The following SUMF1 variants were observed in gnomAD, a reference collection of about 807,000 sequenced individuals.
The protein encoded by SUMF1 is sulfatase modifying factor 1.
A neutral mutation model predicts 47.6 loss-of-function variants in SUMF1; 48 were observed. The ratio of observed to expected loss-of-function variants is 1.01; its 90% CI spans 0.80 to 1.28. The LOEUF (loss-of-function observed/expected upper bound fraction) is 1.28. Among genes scored for constraint, SUMF1 ranks in the 50% most tolerant of loss-of-function variants. SUMF1 has a pLI of 0.00. For missense variants in SUMF1, 571 were observed against 485.4 expected (o/e 1.18, Z -1.66); for synonymous variants, 230 against 192.1 (o/e 1.20, Z -1.63).
chr3:4,103,302 A>G (rs1168562542), intron 8 of SUMF1, among the ~76,000 whole-genome samples: 2 of 152,070 alleles, frequency 1.3e-5, no homozygotes, highest in Non-Finnish European at 2.9e-5. Context: ...AGTTGGGTAG[A>G]TAGAAATATA....
chr3:4,467,151 G>A lies in SUMF1; in HGVS notation c.95C>T (p.Ala32Val), dbSNP rs374677940. 4.1e-4 allele frequency: 646 copies of A among 1,587,508 alleles called. 7 individuals carry two copies. The South Asian group carries it at 6.8e-3, about 17-fold the overall frequency. Reference protein sequence around the residue: ...LLLLSLLCGAAGSQEAGTGAG... With the variant: ...LLLLSLLCGAVGSQEAGTGAG... ...ACCGGTCCCGGCCTCCTGGCTCCCT[G>A]CCGCTCCACACAGCAGCGAGAGCAG... is the stretch of plus-strand genomic sequence containing the variant. Residue 32 changes from alanine to valine, a missense_variant, in exon 1 of 9, where the codon GCA (alanine) becomes GTA (valine). Coordinates refer to ENST00000272902, the MANE Select transcript of SUMF1 (RefSeq NM_182760.4).
chr3:4,206,750 G>A (rs146855215), intron 8 of SUMF1, among the ~76,000 whole-genome samples: 2 of 151,958 alleles, frequency 1.3e-5, no homozygotes, highest in African/African-American at 4.8e-5. Flanking sequence ...AACAACTATT[G>A]TGGGGGAATA....
At chr3:4,369,641 T>A (rs1163697403) in intron 8 of SUMF1, among the ~76,000 whole-genome samples, 1 of 152,316 alleles carries the variant, frequency 6.6e-6, no homozygotes, top group East Asian at 1.9e-4. Flanking sequence ...ATTTCCATGA[T>A]CATGGCAGTG....
intron 8 of SUMF1, among the ~76,000 whole-genome samples, chr3:4,263,566 C>T (rs1380577109): frequency 2.6e-5 from 4 of 152,160 alleles, no homozygotes; most frequent in African/African-American, 9.7e-5. Context: ...TGGTCCATTT[C>T]TATTCCAGCA....
intron 2 of SUMF1, among the ~76,000 whole-genome samples, chr3:4,449,999 G>T (rs1348242370): frequency 6.6e-6 from 1 of 152,092 alleles, no homozygotes; most frequent in Non-Finnish European, 1.5e-5. Context: ...GTGGGCTCTT[G>T]TTTCAGCCAC....
At chr3:4,074,961 A>T (rs1692386135) in intron 8 of SUMF1, among the ~76,000 whole-genome samples, 1 of 152,152 alleles carries the variant, frequency 6.6e-6, no homozygotes, top group African/African-American at 2.4e-5. Flanking sequence ...TCCAATGAAT[A>T]GAAAAAGAGG....
At chr3:4,137,524 C>T (rs953745347) in intron 8 of SUMF1, among the ~76,000 whole-genome samples, 8 of 151,946 alleles carry the variant, frequency 5.3e-5, no homozygotes, top group East Asian at 1.9e-4. Flanking sequence ...CCAATGTAAA[C>T]GATGAGTTAA....
chr3:4,166,591 G>A (rs571197419), intron 8 of SUMF1, among the ~76,000 whole-genome samples: 1 of 152,278 alleles, frequency 6.6e-6, no homozygotes, highest in South Asian at 2.1e-4. Flanking sequence ...AGAGACAGGA[G>A]TGGTTTTTAG....
chr3:4,145,041 T>C (rs1178600935), intron 8 of SUMF1, among the ~76,000 whole-genome samples: 2 of 151,690 alleles, frequency 1.3e-5, no homozygotes, highest in Non-Finnish European at 2.9e-5. Flanking sequence ...CTACTAAAAA[T>C]ACAAAAAATT....
In SUMF1 at chr3:4,343,221, C is replaced by T. The variant is rs17040404; in HGVS notation, c.1014+33109G>A. Among the ~76,000 whole-genome samples the T allele has an allele frequency of 4.8e-3, 735 of 152,272 alleles. 7 individuals are homozygous for T. The highest frequency in any genetic ancestry group is 0.017 in the African/African-American group (707 of 41,564). On this transcript the variant is annotated intron_variant and NMD_transcript_variant, in intron 8 of 12. Coordinates refer to the SUMF1 transcript ENST00000448413. ...CATAAGGTCCTTGGCCTACAGAACA[C>T]GATTTTTTAACTTTCACGAGTAAGT...
At chr3:4,276,909 A>T (rs896087175) in intron 8 of SUMF1, among the ~76,000 whole-genome samples, 3 of 152,138 alleles carry the variant, frequency 2.0e-5, no homozygotes, top group African/African-American at 7.2e-5. Context: ...TGGACACAAT[A>T]ATCTCCCACT....
intron 8 of SUMF1, among the ~76,000 whole-genome samples, chr3:4,280,301 C>T (rs939527956): frequency 3.3e-5 from 5 of 152,044 alleles, no homozygotes. Flanking sequence ...AAGAACACCC[C>T]GGGGTCCTAA....
At chr3:4,420,806 A>G (rs1701874683) in intron 3 of SUMF1, among the ~76,000 whole-genome samples, 1 of 152,202 alleles carries the variant, frequency 6.6e-6, no homozygotes, top group Admixed American at 6.5e-5. Context: ...AGTTAACCCT[A>G]CAATTAAATG....
intron 8 of SUMF1, among the ~76,000 whole-genome samples, chr3:4,293,505 T>C (rs1697781331): frequency 2.6e-5 from 4 of 152,188 alleles, no homozygotes; most frequent in African/African-American, 7.2e-5. Context: ...CATTTATAAA[T>C]TGGTTATTTC....
intron 9 of SUMF1, among the ~76,000 whole-genome samples, chr3:4,037,315 T>A (rs1694817958): frequency 6.6e-6 from 1 of 152,226 alleles, no homozygotes; most frequent in African/African-American, 2.4e-5. Context: ...TTCCTTCAAC[T>A]TCTATAGTAA....
intron 8 of SUMF1, among the ~76,000 whole-genome samples, chr3:4,197,536 G>C (rs1182034707): frequency 1.3e-5 from 2 of 152,284 alleles, no homozygotes; most frequent in Admixed American, 6.5e-5. Context: ...TTCTGAGACA[G>C]AGAAGAAATT....
At chr3:4,198,031 T>A (rs893662877) in intron 8 of SUMF1, among the ~76,000 whole-genome samples, 66 of 3,556 alleles carry the variant, frequency 0.019, no homozygotes, top group African/African-American at 0.04. Flanking sequence ...TGTTTTAGGC[T>A]TTTTTTTTTT....
rs1203712508 is a variant in SUMF1 at position 4,120,589 on chromosome 3, G to A, written c.1015-51844C>T. Among the ~76,000 whole-genome samples the A allele has an allele frequency of 2.0e-5, 3 of 152,002 alleles. No individual in the cohort carries two copies. In the South Asian group the frequency reaches 6.2e-4, roughly 32 times the overall value. On this transcript the variant is annotated intron_variant and NMD_transcript_variant, in intron 8 of 12. Transcript: ENST00000448413. ...ACAATTACACCTATGGGAAATTCAA[G>A]GCCAAACAGCTGGCCTAAGAAGGAA...
intron 9 of SUMF1, among the ~76,000 whole-genome samples, chr3:4,046,954 C>G (rs1183945832): frequency 6.6e-6 from 1 of 152,038 alleles, no homozygotes; most frequent in East Asian, 1.9e-4. Context: ...CACATTTTGC[C>G]TCACCAACCT....
Sources: gnomAD v4.1 joint callset for allele counts (sites outside exome capture counted in the v4.1 genomes callset) on GRCh38, gnomAD v4.1.1 for gene constraint, MANE v1.5 for transcripts, NCBI Gene and HGNC (gene_info 2026-07-23, HGNC 2026-07-21) for gene names.